The following CD96 variants were observed in gnomAD, a reference collection of about 807,000 sequenced individuals.
The protein encoded by CD96 is CD96 molecule, also known as T-cell surface protein tactile.
A neutral mutation model predicts 71.3 loss-of-function variants in CD96; 70 were observed. The observed-to-expected ratio is 0.98, with a 90% CI of 0.81 to 1.20. The LOEUF (loss-of-function observed/expected upper bound fraction) is 1.20. Ranked by LOEUF, CD96 falls within the 50% of genes most tolerant of loss-of-function variation. The probability of loss-of-function intolerance (pLI) is 0.00; values close to 1 mark genes in which losing one functional copy is unlikely to be tolerated. For missense variants in CD96, 742 were observed against 677.5 expected (o/e 1.10, Z -1.06); for synonymous variants, 248 against 233.0 (o/e 1.06, Z -0.59).
chr3:111,555,398 G>A (rs1175651854), intron 2 of CD96, among the ~76,000 whole-genome samples: 5 of 152,370 alleles, frequency 3.3e-5, no homozygotes, highest in South Asian at 2.1e-4. Flanking sequence ...TTAGTATTTC[G>A]TGTAAGACAA....
At chr3:111,583,232 ATGTCTTGCATC>A (rs1936551103) in intron 4 of CD96, among the ~76,000 whole-genome samples, 1 of 152,192 alleles carries the variant, frequency 6.6e-6, no homozygotes, top group South Asian at 2.1e-4. Flanking sequence ...CTTTGACTCT[ATGTCTTGCATC>A]TGGGTCACAC....
intron 2 of CD96, 79 bp downstream of exon 2, chr3:111,545,481 G>T (rs1310118147): frequency 5.2e-6 from 5 of 953,734 alleles, no homozygotes; most frequent in African/African-American, 3.2e-5. Context: ...GAAAAGCAAG[G>T]TTAGGCTTGG....
At chr3:111,570,783 A>G in intron 3 of CD96, 1 of 1,613,596 alleles carries the variant, frequency 6.2e-7, no homozygotes, top group Non-Finnish European at 8.5e-7. Context: ...ATCCAGGGAA[A>G]CGTCTTCCAA....
intron 14 of CD96, among the ~76,000 whole-genome samples, chr3:111,664,303 T>C (rs1234428157): frequency 6.6e-6 from 1 of 152,158 alleles, no homozygotes; most frequent in African/African-American, 2.4e-5. Context: ...GTGGTACATA[T>C]ACACTGTGGA....
intron 12 of CD96, among the ~76,000 whole-genome samples, chr3:111,642,802 G>A (rs557137182): frequency 2.2e-4 from 33 of 150,938 alleles, no homozygotes; most frequent in Non-Finnish European, 3.0e-4. Flanking sequence ...CTGAGACTCC[G>A]CCTAAAAAAA....
intron 10 of CD96, chr3:111,634,895 CA>C (rs553819341): frequency 0.055 from 7,352 of 133,496 alleles, 195 homozygotes; most frequent in South Asian, 0.086. Context: ...AACTCTGTCT[CA>C]AAAAAAAAAA....
At chr3:111,626,625 A>G (rs902301166) in intron 10 of CD96, among the ~76,000 whole-genome samples, 1 of 152,208 alleles carries the variant, frequency 6.6e-6, no homozygotes, top group East Asian at 1.9e-4. Flanking sequence ...TGAGATATGC[A>G]CACAAATGTT....
chr3:111,617,249 G>A (rs1462871541), intron 8 of CD96, among the ~76,000 whole-genome samples: 1 of 152,232 alleles, frequency 6.6e-6, no homozygotes, highest in African/African-American at 2.4e-5. Flanking sequence ...GGATGGAAAG[G>A]TGTAGGTCCC....
intron 6 of CD96, among the ~76,000 whole-genome samples, chr3:111,599,721 CA>C (rs550369054): frequency 2.2e-3 from 313 of 140,786 alleles, no homozygotes; most frequent in East Asian, 3.5e-3. Flanking sequence ...AACCCTATCT[CA>C]AAAAAAAAAA....
chr3:111,661,826 G>A (rs1483384535), intron 14 of CD96, among the ~76,000 whole-genome samples: 2 of 152,328 alleles, frequency 1.3e-5, no homozygotes, highest in Admixed American at 6.5e-5. Flanking sequence ...TGCATGGTGA[G>A]GTTGTCAGTG....
At chr3:111,581,251 A>C (rs890926099) in intron 4 of CD96, among the ~76,000 whole-genome samples, 1 of 152,058 alleles carries the variant, frequency 6.6e-6, no homozygotes, top group African/African-American at 2.4e-5. Flanking sequence ...GCATTTAGTA[A>C]ATTGGCTGGG....
At chr3:111,567,413 C>T (rs928246899) in intron 2 of CD96, 110 bp from the exon 3 acceptor site, 40 of 840,570 alleles carry the variant, frequency 4.8e-5, no homozygotes, top group Non-Finnish European at 7.9e-5. Flanking sequence ...ATAGGTGTAC[C>T]CTGAGGACAG....
intron 2 of CD96, among the ~76,000 whole-genome samples, chr3:111,563,427 A>ACAT (rs1338039327): frequency 7.9e-5 from 12 of 152,242 alleles, no homozygotes; most frequent in Admixed American, 7.2e-4. Flanking sequence ...GGCTAAAACT[A>ACAT]CATTTCTTAA....
chr3:111,624,303 C>T (rs768030469), intron 9 of CD96, 30 bp from the exon 10 acceptor site: 2 of 1,485,606 alleles, frequency 1.3e-6, no homozygotes, highest in Non-Finnish European at 1.9e-6. Context: ...TCGAAAAAAG[C>T]TGGATTCTGA....
chr3:111,648,304 C>T (rs1348635511), intron 13 of CD96, among the ~76,000 whole-genome samples: 1 of 152,152 alleles, frequency 6.6e-6, no homozygotes, highest in African/African-American at 2.4e-5. Context: ...GGAAGGGACC[C>T]CAGTACCCAG....
chr3:111,570,388 G>A (rs115305765), intron 3 of CD96, among the ~76,000 whole-genome samples: 2,196 of 152,276 alleles, frequency 0.014, 52 homozygotes, highest in African/African-American at 0.049. Context: ...GGGATCAAAG[G>A]TTGTGCAGAA....
At chr3:111,585,698 T>C (rs371172228) in intron 5 of CD96, among the ~76,000 whole-genome samples, 2 of 152,218 alleles carry the variant, frequency 1.3e-5, no homozygotes, top group Non-Finnish European at 2.9e-5. Context: ...CAGAAAGCAG[T>C]GTGAGCCCTG....
intron 5 of CD96, among the ~76,000 whole-genome samples, chr3:111,596,460 G>A (rs1937265718): frequency 6.6e-6 from 1 of 152,010 alleles, no homozygotes; most frequent in Admixed American, 6.5e-5. Flanking sequence ...AAAATTTTTA[G>A]ACGTTAACCA....
intron 5 of CD96, among the ~76,000 whole-genome samples, chr3:111,588,456 T>G (rs1372383084): frequency 6.6e-6 from 1 of 152,208 alleles, no homozygotes; most frequent in Non-Finnish European, 1.5e-5. Context: ...GTTCCAAACT[T>G]TCCCATATTT....
Sources: allele counts gnomAD v4.1 joint callset (sites outside exome capture counted in the v4.1 genomes callset), GRCh38; gene constraint gnomAD v4.1.1; transcripts MANE v1.5; gene names NCBI Gene and HGNC (gene_info 2026-07-23, HGNC 2026-07-21).